NUGGC: variants seen among roughly 807,000 people sequenced by gnomAD.
NUGGC encodes the protein nuclear GTPase SLIP-GC.
NUGGC carries 58 observed loss-of-function variants against 92.6 expected under a neutral mutation model. The observed-to-expected ratio is 0.63, with a 90% CI of 0.51 to 0.78. The LOEUF is 0.78. NUGGC is among the 30% of genes least tolerant of loss of function. The probability of loss-of-function intolerance (pLI) is 0.00; values close to 1 mark genes in which losing one functional copy is unlikely to be tolerated. For synonymous variants in NUGGC, 376 were observed against 366.4 expected (o/e 1.03, Z -0.30); for missense variants, 925 against 964.6 (o/e 0.96, Z 0.54).
intron 5 of NUGGC, 140 bp downstream of exon 5, chr8:28,068,076 G>A (rs1810487696): frequency 1.6e-6 from 1 of 614,564 alleles, no homozygotes; most frequent in Non-Finnish European, 2.9e-6. Context: ...AGAAAAAAAG[G>A]AAGAGAAGGA....
chr8:28,075,468 C>G (rs1233363102), intron 1 of NUGGC, among the ~76,000 whole-genome samples: 1 of 152,218 alleles, frequency 6.6e-6, no homozygotes, highest in Non-Finnish European at 1.5e-5. Flanking sequence ...AATCTGCTAG[C>G]CTGGAGCTGC....
At chr8:28,033,247 G>A (rs760570828) in intron 14 of NUGGC, among the ~76,000 whole-genome samples, 11 of 152,144 alleles carry the variant, frequency 7.2e-5, no homozygotes, top group Non-Finnish European at 1.2e-4. Context: ...CCTGTCCTGG[G>A]CTCAGATCCC....
chr8:28,073,679 C>T (rs1175182459), intron 2 of NUGGC, among the ~76,000 whole-genome samples: 1 of 152,266 alleles, frequency 6.6e-6, no homozygotes, highest in South Asian at 2.1e-4. Flanking sequence ...GTGAGTCACC[C>T]TTCCAGGAGC....
chr8:28,078,065 T>C (rs890958767), intron 1 of NUGGC, among the ~76,000 whole-genome samples: 17 of 152,228 alleles, frequency 1.1e-4, no homozygotes, highest in African/African-American at 3.9e-4. Context: ...GCCGTTAGCA[T>C]GTAACTAGCT....
At chr8:28,041,283 C>T (rs1342894480) in intron 12 of NUGGC, 68 bp from the exon 13 acceptor site, 2 of 1,480,344 alleles carry the variant, frequency 1.4e-6, no homozygotes, top group Non-Finnish European at 1.8e-6. Flanking sequence ...TGAAGCTTTG[C>T]TTTCTTTAAG....
In NUGGC at chr8:28,075,934, G is replaced by A. The variant is rs116501061; in HGVS notation, c.-46-1478C>T. On this transcript the variant is annotated intron_variant, in intron 1 of 18. Transcript: ENST00000413272. ...AAGCAGGGTATCCTATTGAACTGCT[G>A]AGCATTTTAGCACATGTGGGGTGCC... is the stretch of plus-strand genomic sequence containing the variant. Among the ~76,000 whole-genome samples, 586 of 152,268 alleles carry A rather than the reference G, an allele frequency of 3.8e-3. 4 individuals are homozygous for A. The highest frequency in any genetic ancestry group is 0.012 in the African/African-American group (495 of 41,558).
intron 13 of NUGGC, among the ~76,000 whole-genome samples, chr8:28,038,125 T>A (rs1809603605): frequency 6.6e-6 from 1 of 152,136 alleles, no homozygotes; most frequent in South Asian, 2.1e-4. Context: ...CGTGGGCCAA[T>A]ACACTTCCTC....
chr8:28,036,702 G>A (rs1360342692), intron 13 of NUGGC, among the ~76,000 whole-genome samples: 5 of 152,128 alleles, frequency 3.3e-5, no homozygotes, highest in South Asian at 2.1e-4. Context: ...CCCCATGTCT[G>A]AACTATTGAT....
At chr8:28,038,050 G>A (rs1245505881) in intron 13 of NUGGC, among the ~76,000 whole-genome samples, 3 of 152,190 alleles carry the variant, frequency 2.0e-5, no homozygotes, top group Admixed American at 6.5e-5. Flanking sequence ...GCCTGAGAAT[G>A]GGGCCCATGG....
At chr8:28,036,649 C>A (rs1172822259) in intron 13 of NUGGC, among the ~76,000 whole-genome samples, 1 of 152,202 alleles carries the variant, frequency 6.6e-6, no homozygotes, top group Non-Finnish European at 1.5e-5. Context: ...CTCTTGGATG[C>A]GAATCTTCCC....
At chr8:28,064,363 C>T (rs9694132) in intron 7 of NUGGC, among the ~76,000 whole-genome samples, 159 bp downstream of exon 7, 9,380 of 152,326 alleles carry the variant, frequency 0.062, 398 homozygotes, top group East Asian at 0.16. Context: ...TGGCTACCCA[C>T]ACCCTGCCAG....
In NUGGC at chr8:28,041,230, C is replaced by A. The variant is rs752199499; in HGVS notation, c.1447-15G>T. ...AAGTGTTCATTCTAGGGACAAGGACCATAAAAGAATCAGGCCACCCCCTCC... is the reference window on the plus strand; with the variant it reads ...AAGTGTTCATTCTAGGGACAAGGACAATAAAAGAATCAGGCCACCCCCTCC... On this transcript the variant is annotated splice_polypyrimidine_tract_variant and intron_variant, in intron 12 of 18. Coordinates refer to ENST00000413272, the MANE Select transcript of NUGGC (RefSeq NM_001010906.2). 8 of 1,601,090 alleles carry A rather than the reference C, an allele frequency of 5.0e-6. No homozygotes were observed. The highest frequency in any genetic ancestry group is 6.0e-6 in the Non-Finnish European group (7 of 1,172,520).
At chr8:28,050,556 A>G (rs1809969797) in intron 10 of NUGGC, among the ~76,000 whole-genome samples, 1 of 152,150 alleles carries the variant, frequency 6.6e-6, no homozygotes, top group Non-Finnish European at 1.5e-5. Flanking sequence ...CATGCCTGTA[A>G]TCCTAGTACT....
At chr8:28,048,681 G>A (rs1404256496) in intron 10 of NUGGC, among the ~76,000 whole-genome samples, 1 of 151,976 alleles carries the variant, frequency 6.6e-6, no homozygotes, top group Non-Finnish European at 1.5e-5. Flanking sequence ...GGCCAATATG[G>A]TGAAACCCCA....
intron 1 of NUGGC, among the ~76,000 whole-genome samples, chr8:28,077,434 A>G (rs1392938929): frequency 6.6e-6 from 1 of 151,538 alleles, no homozygotes; most frequent in Non-Finnish European, 1.5e-5. Flanking sequence ...GGTTGTGGTG[A>G]CACACACCTG....
rs1809679498 is a variant in NUGGC, at chr8:28,040,924, C to T, written c.1611+127G>A. ...CCTCCCAAAGTGCTGGGATTACAGG[C>T]ATGAGCCGCCATGCCCGGCCCGCTA... On this transcript the variant is annotated intron_variant, in intron 13 of 18. Transcript: ENST00000413272. The T allele has an allele frequency of 4.5e-6, 4 of 894,792 alleles. No homozygotes were observed. The East Asian group carries it at 8.1e-5, about 18-fold the overall frequency. 55.4% of individuals were successfully genotyped at this position (894,792 alleles called of 1,614,324 possible).
chr8:28,023,711 G>T (rs1376638388), intron 18 of NUGGC, among the ~76,000 whole-genome samples: 1 of 152,108 alleles, frequency 6.6e-6, no homozygotes, highest in Non-Finnish European at 1.5e-5. Flanking sequence ...CTGTATTAAG[G>T]CTTCACAGGT....
chr8:28,060,614 A>G lies in NUGGC; in HGVS notation c.922-13T>C, dbSNP rs375487536. The stretch of plus-strand genomic sequence containing the variant: ...ACTTGTCAATGGTCTGCAAAACATG[A>G]CCACGGCATGTGTCAGCACAGGAAT... On this transcript the variant is annotated splice_polypyrimidine_tract_variant and intron_variant, in intron 7 of 18. Transcript: ENST00000413272. 25 of 1,605,534 alleles carry G rather than the reference A, an allele frequency of 1.6e-5. No individual in the cohort carries two copies. The highest frequency in any genetic ancestry group is 1.0e-4 in the South Asian group (9 of 90,022).
intron 7 of NUGGC, among the ~76,000 whole-genome samples, chr8:28,063,624 C>T (rs1483600903): frequency 2.0e-5 from 3 of 152,276 alleles, no homozygotes; most frequent in Middle Eastern, 3.4e-3. Context: ...CTCTCCAAGG[C>T]TGTGTGGTCC....
Sources: gnomAD v4.1 joint callset for allele counts (sites outside exome capture counted in the v4.1 genomes callset) on GRCh38, gnomAD v4.1.1 for gene constraint, MANE v1.5 for transcripts, NCBI Gene and HGNC (gene_info 2026-07-23, HGNC 2026-07-21) for gene names.